The following UBTD2 variants were observed in gnomAD, a reference collection of about 807,000 sequenced individuals.
The protein encoded by UBTD2 is ubiquitin domain containing 2.
UBTD2 carries 9 observed loss-of-function variants against 19.8 expected under a neutral mutation model. That is an observed-to-expected ratio of 0.46 (90% CI 0.27 to 0.79). The LOEUF (loss-of-function observed/expected upper bound fraction) is 0.79. UBTD2 is among the 30% of genes least tolerant of loss of function. The pLI, the probability that UBTD2 is intolerant of heterozygous loss-of-function variation, is 0.14. For synonymous variants in UBTD2, 98 were observed against 103.9 expected (o/e 0.94, Z 0.35); for missense variants, 250 against 300.4 (o/e 0.83, Z 1.24).
chr5:172,230,790 T>G (rs1262264261), intron 2 of UBTD2, among the ~76,000 whole-genome samples: 1 of 151,812 alleles, frequency 6.6e-6, no homozygotes, highest in East Asian at 1.9e-4. Flanking sequence ...TCCTTATTTT[T>G]TTTTTTTTTT....
chr5:172,265,860 A>T (rs1473384695), intron 1 of UBTD2, among the ~76,000 whole-genome samples: 2 of 152,126 alleles, frequency 1.3e-5, no homozygotes, highest in African/African-American at 4.8e-5. Context: ...TTCTAAAAGC[A>T]ACTTTTTTAA....
chr5:172,282,494 A>G (rs1159167930), intron 1 of UBTD2, among the ~76,000 whole-genome samples: 2 of 152,222 alleles, frequency 1.3e-5, no homozygotes, highest in African/African-American at 2.4e-5. Context: ...TTGTGAAGAG[A>G]GCTTAAGTGA....
intron 1 of UBTD2, among the ~76,000 whole-genome samples, chr5:172,255,833 A>C (rs926264872): frequency 6.6e-6 from 1 of 152,214 alleles, no homozygotes; most frequent in Non-Finnish European, 1.5e-5. Context: ...TCACGCCTGC[A>C]ATCCCACCAC....
At chr5:172,279,302 TTATC>T (rs1166508804) in intron 1 of UBTD2, among the ~76,000 whole-genome samples, 2 of 152,248 alleles carry the variant, frequency 1.3e-5, no homozygotes, top group African/African-American at 4.8e-5. Context: ...GCTTCAATCT[TTATC>T]TATGAAACAG....
intron 1 of UBTD2, among the ~76,000 whole-genome samples, chr5:172,249,400 T>C (rs1177116540): frequency 8.1e-5 from 3 of 37,148 alleles, no homozygotes; most frequent in African/African-American, 3.0e-4. Context: ...CTCCGTCTCA[T>C]GAAAAAAAAA....
At chr5:172,240,747 T>C (rs1772110904) in intron 1 of UBTD2, among the ~76,000 whole-genome samples, 1 of 152,092 alleles carries the variant, frequency 6.6e-6, no homozygotes, top group South Asian at 2.1e-4. Flanking sequence ...ACAAAACAAC[T>C]TTATTGAGAA....
At chr5:172,261,742 A>C (rs537348623) in intron 1 of UBTD2, among the ~76,000 whole-genome samples, 1 of 151,890 alleles carries the variant, frequency 6.6e-6, no homozygotes, top group Non-Finnish European at 1.5e-5. Flanking sequence ...CTCGTGCCTT[A>C]GCCTCCTTAG....
intron 1 of UBTD2, among the ~76,000 whole-genome samples, chr5:172,277,679 A>G (rs1195957535): frequency 6.6e-6 from 1 of 152,066 alleles, no homozygotes; most frequent in East Asian, 1.9e-4. Flanking sequence ...GCACTCCATC[A>G]TGGGTAACAG....
chr5:172,231,196 A>T (rs1482562730), intron 2 of UBTD2, among the ~76,000 whole-genome samples: 1 of 152,214 alleles, frequency 6.6e-6, no homozygotes, highest in Admixed American at 6.5e-5. Context: ...ACTGATGGTG[A>T]GTTAGAGTAC....
At chr5:172,255,182 G>T in intron 1 of UBTD2, 1 of 453,952 alleles carries the variant, frequency 2.2e-6, no homozygotes, top group Non-Finnish European at 4.3e-6. Flanking sequence ...TGTGAGGATA[G>T]GAACTTGAGA....
chr5:172,227,284 A>G (rs558966246), intron 2 of UBTD2, among the ~76,000 whole-genome samples: 5 of 152,356 alleles, frequency 3.3e-5, no homozygotes, highest in Non-Finnish European at 7.3e-5. Flanking sequence ...AAGGTTGACA[A>G]CAGCAGAGGA....
intron 1 of UBTD2, among the ~76,000 whole-genome samples, chr5:172,251,024 G>A (rs1462879748): frequency 6.7e-6 from 1 of 150,166 alleles, no homozygotes; most frequent in Admixed American, 6.6e-5. Flanking sequence ...TTAGAAAATA[G>A]CCACTAAAGG....
chr5:172,215,295 A>G lies in UBTD2; in HGVS notation c.308-3068T>C, dbSNP rs149953289. 3.7e-4 allele frequency among the ~76,000 whole-genome samples: 56 copies of G among 152,310 alleles called. No individual in the cohort carries two copies. In the East Asian group the frequency reaches 7.1e-3, roughly 19 times the overall value. On this transcript the variant is annotated intron_variant, in intron 2 of 2. Transcript: ENST00000393792. ...GAACCATTTTTAAATATGCCAGAGA[A>G]TTCTGCCCTCAGAAGAAACTAACTA...
chr5:172,211,826 C>T lies in UBTD2; in HGVS notation c.*4G>A. 1 of 1,595,314 alleles carries T rather than the reference C, an allele frequency of 6.3e-7. No homozygotes were observed. Among genetic ancestry groups the T allele is most frequent in the African/African-American group, 1.3e-5 (1 of 74,556 alleles). ...GATGTGGGAGCTGGCCAACAGGGCT[C>T]AGTTCAGTTCTCCACTGGTGTTGGG... is the stretch of plus-strand genomic sequence containing the variant. On this transcript the variant is annotated 3_prime_UTR_variant, in exon 3 of 3. Coordinates refer to ENST00000393792, the MANE Select transcript of UBTD2 (RefSeq NM_152277.3).
intron 2 of UBTD2, among the ~76,000 whole-genome samples, chr5:172,218,790 T>TAAAAAAAAAA (rs1200379659): frequency 2.0e-5 from 1 of 51,090 alleles, no homozygotes; most frequent in African/African-American, 7.9e-5. Flanking sequence ...AAAAAAAAAA[T>TAAAAAAAAAA]AAAAAAATAA....
At chr5:172,273,069 T>C (rs910036103) in intron 1 of UBTD2, among the ~76,000 whole-genome samples, 2 of 134,880 alleles carry the variant, frequency 1.5e-5, no homozygotes, top group African/African-American at 2.8e-5. Flanking sequence ...ACAGCAAGCC[T>C]CCGTCTCTCC....
intron 1 of UBTD2, among the ~76,000 whole-genome samples, chr5:172,244,811 C>A (rs1253456698): frequency 6.6e-6 from 1 of 151,896 alleles, no homozygotes; most frequent in African/African-American, 2.4e-5. Context: ...TCATTGCAAC[C>A]TCCAACTCCC....
At chr5:172,255,333 A>AT (rs1417482509) in intron 1 of UBTD2, 4 of 457,934 alleles carry the variant, frequency 8.7e-6, no homozygotes, top group Non-Finnish European at 1.8e-5. Context: ...AGATGACCCC[A>AT]TACTTGTTGG....
chr5:172,281,390 T>C (rs1452040682), intron 1 of UBTD2, among the ~76,000 whole-genome samples: 1 of 152,190 alleles, frequency 6.6e-6, no homozygotes, highest in Non-Finnish European at 1.5e-5. Context: ...TCCCAGTTAC[T>C]TGGGAGGCTG....
Sources: allele counts gnomAD v4.1 joint callset (sites outside exome capture counted in the v4.1 genomes callset), GRCh38; gene constraint gnomAD v4.1.1; transcripts MANE v1.5; gene names NCBI Gene and HGNC (gene_info 2026-07-23, HGNC 2026-07-21).